Variants in SF3A1 observed in about 807,000 individuals in gnomAD.
SF3A1 encodes the protein splicing factor 3a subunit 1.
In SF3A1, 13 loss-of-function variants were observed where a neutral mutation model predicts 89.9. The ratio of observed to expected loss-of-function variants is 0.14; its 90% CI spans 0.09 to 0.23. The LOEUF (loss-of-function observed/expected upper bound fraction) is 0.23. Ranked by LOEUF, SF3A1 falls within the 10% of genes least tolerant of loss-of-function variation. The pLI is 1.00. For missense variants in SF3A1, 604 were observed against 1,022.1 expected (o/e 0.59, Z 5.58); for synonymous variants, 405 against 374.4 (o/e 1.08, Z -0.94).
rs139280975 is a variant in SF3A1, at chr22:30,352,938, G to C, written c.185+13C>G. 1.9e-6 allele frequency: 3 copies of C among 1,613,766 alleles called. No homozygotes were observed. In the African/African-American group the frequency reaches 4.0e-5, roughly 22 times the overall value. On this transcript the variant is annotated intron_variant, in intron 2 of 15. Coordinates refer to ENST00000215793, the MANE Select transcript of SF3A1 (RefSeq NM_005877.6). ...TGAAACCCACCTCTGACCCACCCAAGTAGCTCTGTTACCTGGCCACAAAGC... is the reference window on the plus strand; with the variant it reads ...TGAAACCCACCTCTGACCCACCCAACTAGCTCTGTTACCTGGCCACAAAGC...
chr22:30,346,293 G>C lies in SF3A1; in HGVS notation c.393+19C>G, dbSNP rs1337577047. 4 of 1,515,156 alleles carry C rather than the reference G, an allele frequency of 2.6e-6. No homozygotes were observed. The highest frequency in any genetic ancestry group is 2.3e-5 in the East Asian group (1 of 44,374). 93.9% of individuals were successfully genotyped at this position (1,515,156 alleles called of 1,614,324 possible). ...CCTCTCAAGCCCTGCGTAAGTGAAG[G>C]GGGCACTGGGCTCCAAACCTTCTGG... On this transcript the variant is annotated intron_variant, in intron 3 of 15. Coordinates refer to ENST00000215793, the MANE Select transcript of SF3A1 (RefSeq NM_005877.6).
intron 1 of SF3A1, among the ~76,000 whole-genome samples, chr22:30,355,591 G>A (rs1931770605): frequency 6.6e-6 from 1 of 152,192 alleles, no homozygotes; most frequent in African/African-American, 2.4e-5. Context: ...ACAAGGAAAA[G>A]TTCAAATCCT....
At chr22:30,334,734 A>G in intron 15 of SF3A1, 39 bp from the exon 16 acceptor site, 2 of 1,420,520 alleles carry the variant, frequency 1.4e-6, no homozygotes, top group Non-Finnish European at 2.0e-6. Context: ...GGGGCAACCC[A>G]GCCTTGGGGA....
intron 4 of SF3A1, among the ~76,000 whole-genome samples, chr22:30,343,338 G>C (rs1234759538): frequency 6.6e-6 from 1 of 152,134 alleles, no homozygotes; most frequent in Non-Finnish European, 1.5e-5. Flanking sequence ...CCATGTAACA[G>C]ACACTGACAA....
At chr22:30,349,280 T>C (rs1931512496) in intron 2 of SF3A1, among the ~76,000 whole-genome samples, 1 of 152,216 alleles carries the variant, frequency 6.6e-6, no homozygotes, top group South Asian at 2.1e-4. Context: ...TCACAGATTT[T>C]ATTTATTTAT....
At chr22:30,352,033 T>C (rs1238779819) in intron 2 of SF3A1, among the ~76,000 whole-genome samples, 1 of 151,948 alleles carries the variant, frequency 6.6e-6, no homozygotes, top group East Asian at 1.9e-4. Flanking sequence ...CCATTCCATC[T>C]GAGGTGGCGG....
intron 11 of SF3A1, among the ~76,000 whole-genome samples, 166 bp downstream of exon 11, chr22:30,338,623 A>G (rs996477809): frequency 6.8e-6 from 1 of 147,504 alleles, no homozygotes; most frequent in Non-Finnish European, 1.5e-5. Flanking sequence ...CCACAAACAG[A>G]TCAAGAGAGA....
At chr22:30,354,880 C>A (rs906399040) in intron 1 of SF3A1, among the ~76,000 whole-genome samples, 2 of 152,174 alleles carry the variant, frequency 1.3e-5, no homozygotes, top group African/African-American at 4.8e-5. Flanking sequence ...GCTATGACTG[C>A]ACCACTGCAT....
intron 2 of SF3A1, among the ~76,000 whole-genome samples, chr22:30,351,221 C>G (rs936856413): frequency 6.6e-6 from 1 of 152,024 alleles, no homozygotes; most frequent in Non-Finnish European, 1.5e-5. Context: ...ATCACTTGAA[C>G]CCAGGAGGCA....
At chr22:30,351,117 G>A (rs1931580099) in intron 2 of SF3A1, among the ~76,000 whole-genome samples, 2 of 152,252 alleles carry the variant, frequency 1.3e-5, no homozygotes, top group Admixed American at 6.5e-5. Context: ...TGGCCAACAC[G>A]GTGAAACCAC....
At chr22:30,338,735 G>A (rs1405156063) in intron 11 of SF3A1, 54 bp downstream of exon 11, 13 of 1,609,792 alleles carry the variant, frequency 8.1e-6, no homozygotes, top group East Asian at 4.5e-5. Flanking sequence ...AACAGTGTCC[G>A]ACCTCAAGAA....
chr22:30,335,849 G>A, intron 13 of SF3A1, 96 bp from the exon 14 acceptor site: 5 of 993,090 alleles, frequency 5.0e-6, no homozygotes, highest in Non-Finnish European at 8.0e-6. Flanking sequence ...AATGTCACCT[G>A]TGCATCTGGG....
In SF3A1 at chr22:30,345,059, G is replaced by T. The variant is rs777352250; in HGVS notation, c.525C>A (p.Ala175=). The change falls in exon 4 of 16, where the codon GCC becomes GCA. Residue 175 remains alanine (A), a synonymous_variant. Coordinates refer to ENST00000215793, the MANE Select transcript of SF3A1 (RefSeq NM_005877.6). ...GGGTCAGAAACTGGCGCCCATTCCT[G>T]GCCACAAACTGAGCCGTCAGCTTCA... ...DVVKLTAQFV[A]RNGRQFLTQL... The T allele has an allele frequency of 6.2e-7, 1 of 1,614,084 alleles. No homozygotes were observed. Among genetic ancestry groups the T allele is most frequent in the Non-Finnish European group, 8.5e-7 (1 of 1,180,044 alleles).
At chr22:30,343,189 G>A (rs1003726224) in intron 4 of SF3A1, among the ~76,000 whole-genome samples, 1 of 152,180 alleles carries the variant, frequency 6.6e-6, no homozygotes, top group African/African-American at 2.4e-5. Context: ...TGAGACGGCT[G>A]CTTTCATGAC....
intron 13 of SF3A1, 142 bp from the exon 14 acceptor site, chr22:30,335,895 C>A: frequency 5.8e-6 from 4 of 690,714 alleles, no homozygotes; most frequent in Non-Finnish European, 7.7e-6. Context: ...ACTGATAACC[C>A]CTTGTGAGGT....
At chr22:30,336,956 G>A (rs146729012) in intron 13 of SF3A1, 70 bp downstream of exon 13, 33 of 1,584,052 alleles carry the variant, frequency 2.1e-5, no homozygotes, top group Non-Finnish European at 2.5e-5. Context: ...GGTCAGTTTC[G>A]CAAGTGTACG....
chr22:30,354,948 T>C (rs984114141), intron 1 of SF3A1, among the ~76,000 whole-genome samples: 4 of 152,178 alleles, frequency 2.6e-5, no homozygotes, highest in Non-Finnish European at 5.9e-5. Context: ...TATCAAGCTA[T>C]GAGTAGATCC....
In SF3A1 at chr22:30,334,656, T is replaced by C. The variant is rs1438191181; in HGVS notation, c.2320A>G (p.Asn774Asp). ...TGGATGACTGCGCCATTGGCCATGTTGTAGTAAGCCAGTGAGTTGGAATCT... is the reference window on the plus strand; with the variant it reads ...TGGATGACTGCGCCATTGGCCATGTCGTAGTAAGCCAGTGAGTTGGAATCT... ...IKDSNSLAYY[N>D]MANGAVIHLA... The change falls in exon 16 of 16, where the codon AAC becomes GAC. Residue 774 changes from asparagine to aspartate, a missense_variant. Asn to Asp is a conservative substitution (Grantham distance 23). Around this residue, in one of 9 missense-constraint regions of SF3A1, gnomAD observed 74 missense variants for 141.3 expected, o/e 0.52. Coordinates refer to ENST00000215793, the MANE Select transcript of SF3A1 (RefSeq NM_005877.6). 6.3e-7 allele frequency: 1 copy of C among 1,591,788 alleles called. No homozygotes were observed. Among genetic ancestry groups the C allele is most frequent in the Non-Finnish European group, 8.5e-7 (1 of 1,172,586 alleles).
At chr22:30,344,788 A>T in intron 4 of SF3A1, 145 bp downstream of exon 4, 2 of 919,156 alleles carry the variant, frequency 2.2e-6, no homozygotes, top group Non-Finnish European at 3.3e-6. Context: ...TCAAGGTTTT[A>T]CATTAAACTG....
Sources: gnomAD v4.1 joint callset for allele counts (sites outside exome capture counted in the v4.1 genomes callset) on GRCh38, gnomAD v4.1.1 for gene constraint, gnomAD v4.1.1 regional missense constraint, MANE v1.5 for transcripts, NCBI Gene and HGNC (gene_info 2026-07-23, HGNC 2026-07-21) for gene names.